The following RNF121 variants were observed in gnomAD, a reference collection of about 807,000 sequenced individuals.
RNF121 encodes ring finger protein 121, also known as E3 ubiquitin ligase RNF121.
In RNF121, 21 loss-of-function variants were observed where a neutral mutation model predicts 46.5. That is an observed-to-expected ratio of 0.45 (90% CI 0.32 to 0.65). RNF121 has a LOEUF of 0.65. RNF121 is among the 30% of genes least tolerant of loss of function. The probability of loss-of-function intolerance (pLI) is 0.04; values close to 1 mark genes in which losing one functional copy is unlikely to be tolerated. For missense variants in RNF121, 346 were observed against 416.0 expected (o/e 0.83, Z 1.46); for synonymous variants, 139 against 144.7 (o/e 0.96, Z 0.28).
intron 1 of RNF121, among the ~76,000 whole-genome samples, chr11:71,949,994 C>T (rs1953829119): frequency 6.6e-6 from 1 of 151,450 alleles, no homozygotes; most frequent in South Asian, 2.1e-4. Context: ...GAGCAAGACT[C>T]CATCTCAAAA....
chr11:71,956,448 A>G (rs1248484136), intron 1 of RNF121, among the ~76,000 whole-genome samples: 2 of 152,234 alleles, frequency 1.3e-5, no homozygotes, highest in Non-Finnish European at 2.9e-5. Flanking sequence ...CTTCCTCAAC[A>G]GGGAATGAAC....
At chr11:71,939,924 A>G (rs1011015208) in intron 1 of RNF121, among the ~76,000 whole-genome samples, 2 of 152,232 alleles carry the variant, frequency 1.3e-5, no homozygotes, top group East Asian at 1.9e-4. Flanking sequence ...ACAATATAGT[A>G]TGAGGAGTAG....
rs1017113127 is a variant in RNF121 at position 71,985,990 on chromosome 11, C to G, written c.399-1014C>G. Among the ~76,000 whole-genome samples, 56 of 152,054 alleles carry G rather than the reference C, an allele frequency of 3.7e-4. 2 individuals are homozygous for G. The highest frequency in any genetic ancestry group is 2.6e-3 in the Admixed American group (39 of 15,252). ...CAGGGAACCATCTTTCTTGCTGAGT[C>G]TAGTAGCTGGGATCCACCAATTAGG... On this transcript the variant is annotated intron_variant, in intron 4 of 8. Transcript: ENST00000361756.
In RNF121 at chr11:71,974,013, C is replaced by T. The variant is rs376492085; in HGVS notation, c.244-8748C>T. Among the ~76,000 whole-genome samples, 4 of 152,284 alleles carry T rather than the reference C, an allele frequency of 2.6e-5. No individual in the cohort carries two copies. The South Asian group carries it at 8.3e-4, about 32-fold the overall frequency. On this transcript the variant is annotated intron_variant, in intron 3 of 8. Transcript: ENST00000361756. The stretch of plus-strand genomic sequence containing the variant: ...CCAGACTGCAGTGGCGCTATCTCGG[C>T]TCACTGCAAGCTCCGCCTCCCGGGT...
intron 6 of RNF121, among the ~76,000 whole-genome samples, chr11:71,991,319 C>G (rs1460314622): frequency 3.9e-5 from 6 of 152,070 alleles, no homozygotes; most frequent in African/African-American, 1.5e-4. Context: ...CTTTATCCAG[C>G]AGGAAGTTAA....
chr11:71,984,361 G>T (rs1421740754), intron 4 of RNF121, among the ~76,000 whole-genome samples: 1 of 148,772 alleles, frequency 6.7e-6, no homozygotes, highest in Non-Finnish European at 1.5e-5. Flanking sequence ...ACTCGTGCAA[G>T]CTCCGCCTCC....
intron 5 of RNF121, among the ~76,000 whole-genome samples, chr11:71,987,635 A>G (rs1954795403): frequency 6.6e-6 from 1 of 152,250 alleles, no homozygotes; most frequent in African/African-American, 2.4e-5. Context: ...CCACTAAAAC[A>G]GCAGAGTTGA....
Position 71,996,668 on chromosome 11 carries a change from C to T in RNF121, c.*353C>T, listed in dbSNP as rs181124629. On this transcript the variant is annotated 3_prime_UTR_variant, in exon 9 of 9. Transcript: ENST00000361756. Reference sequence around the variant, plus strand: ...TTAAAGGAGCCTTCTCATCTCTGGCCGAGAACACTGCTGGGCTCCCAGGTA... The same window carrying T: ...TTAAAGGAGCCTTCTCATCTCTGGCTGAGAACACTGCTGGGCTCCCAGGTA... The T allele has an allele frequency of 3.5e-3, 737 of 211,840 alleles. 9 individuals carry two copies. Among genetic ancestry groups the T allele is most frequent in the Middle Eastern group, 2.0e-3 (1 of 490 alleles). 13.1% of individuals were successfully genotyped at this position (211,840 alleles called of 1,614,324 possible).
chr11:71,929,153 CT>C, intron 1 of RNF121, 29 bp downstream of exon 1: 1 of 1,546,910 alleles, frequency 6.5e-7, no homozygotes, highest in Non-Finnish European at 8.7e-7. Flanking sequence ...CGAGGAGAGA[CT>C]CAACCTGAGA....
intron 3 of RNF121, among the ~76,000 whole-genome samples, chr11:71,977,443 G>A (rs1249122313): frequency 6.6e-6 from 1 of 152,180 alleles, no homozygotes; most frequent in East Asian, 1.9e-4. Context: ...TCTACTGATG[G>A]TTCCAGCTCT....
At chr11:71,966,940 C>T (rs1421734372) in intron 3 of RNF121, among the ~76,000 whole-genome samples, 2 of 149,128 alleles carry the variant, frequency 1.3e-5, no homozygotes, top group Non-Finnish European at 3.0e-5. Context: ...GGCGCAATCT[C>T]GGCTCACTGC....
chr11:71,987,484 A>G (rs1954793030), intron 5 of RNF121, among the ~76,000 whole-genome samples: 1 of 152,184 alleles, frequency 6.6e-6, no homozygotes, highest in Non-Finnish European at 1.5e-5. Context: ...CTCTGCATGA[A>G]TGGCCTTACG....
chr11:71,962,347 G>A (rs1388444057), intron 3 of RNF121: 6 of 923,618 alleles, frequency 6.5e-6, no homozygotes, highest in Non-Finnish European at 7.8e-6. Flanking sequence ...CCTTAAGTGT[G>A]GAATCCTTTC....
In RNF121 at chr11:71,962,844, A is replaced by G. The variant is rs373047681; in HGVS notation, c.243+1953A>G. Among the ~76,000 whole-genome samples, 227 of 152,298 alleles carry G rather than the reference A, an allele frequency of 1.5e-3. 2 individuals are homozygous for G. The highest frequency in any genetic ancestry group is 4.2e-3 in the African/African-American group (174 of 41,576). ...GTGGGTTGGGTTTTCATTCCTCCAC[A>G]TTCTTATCAAGACTTCTTACTTCTT... On this transcript the variant is annotated intron_variant, in intron 3 of 8. Coordinates refer to ENST00000361756, the MANE Select transcript of RNF121 (RefSeq NM_018320.5).
At chr11:71,974,729 T>G (rs1459521844) in intron 3 of RNF121, among the ~76,000 whole-genome samples, 2 of 152,210 alleles carry the variant, frequency 1.3e-5, no homozygotes, top group Non-Finnish European at 2.9e-5. Context: ...CCCAAGTCCT[T>G]TCCTTGGATC....
In RNF121 at chr11:71,994,770, G is replaced by A. The variant is rs1954939286; in HGVS notation, c.679G>A (p.Ala227Thr). 1 of 1,614,026 alleles carries A rather than the reference G, an allele frequency of 6.2e-7. No individual in the cohort carries two copies. Among genetic ancestry groups the A allele is most frequent in the African/African-American group, 1.3e-5 (1 of 74,908 alleles). Residue 227 changes from alanine (A) to threonine (T), a missense_variant, in exon 7 of 9, where the codon GCT becomes ACT. Around this residue, in one of 2 missense-constraint regions of RNF121, gnomAD observed 286 missense variants for 383.8 expected, o/e 0.75. Coordinates refer to ENST00000361756, the MANE Select transcript of RNF121 (RefSeq NM_018320.5). Reference protein sequence around the residue: ...PTKHLSDSVCAVCGQQIFVDV... With the variant: ...PTKHLSDSVCTVCGQQIFVDV... ...CAAACATCTTTCAGACAGTGTGTGT[G>A]CTGTGTGTGGGCAGCAGATCTTTGT...
chr11:71,980,318 TCTCA>T (rs1185486766), intron 3 of RNF121, among the ~76,000 whole-genome samples: 2 of 149,266 alleles, frequency 1.3e-5, no homozygotes, highest in Non-Finnish European at 3.0e-5. Flanking sequence ...TCTGTTCTCT[TCTCA>T]CTGTTTCTTT....
chr11:71,949,673 C>T (rs1230591947), intron 1 of RNF121, among the ~76,000 whole-genome samples: 3 of 151,998 alleles, frequency 2.0e-5, no homozygotes, highest in Non-Finnish European at 4.4e-5. Context: ...GCACTCCAAC[C>T]TAGGTGACAG....
chr11:71,969,819 G>A (rs1334753709), intron 3 of RNF121, among the ~76,000 whole-genome samples: 1 of 152,000 alleles, frequency 6.6e-6, no homozygotes, highest in Non-Finnish European at 1.5e-5. Context: ...CTCCCACCTT[G>A]GCCTCTCAAA....
Sources: gnomAD v4.1 joint callset for allele counts (sites outside exome capture counted in the v4.1 genomes callset) on GRCh38, gnomAD v4.1.1 for gene constraint, gnomAD v4.1.1 regional missense constraint, MANE v1.5 for transcripts, NCBI Gene and HGNC (gene_info 2026-07-23, HGNC 2026-07-21) for gene names.